The following NVL variants were observed in gnomAD, a reference collection of about 807,000 sequenced individuals.
NVL encodes the protein nuclear VCP like.
In NVL, 84 loss-of-function variants were observed where a neutral mutation model predicts 110.2. That is an observed-to-expected ratio of 0.76 (90% CI 0.64 to 0.91). The LOEUF is 0.91. Among genes scored for constraint, NVL ranks in the 40% least tolerant of loss-of-function variants. NVL has a pLI of 0.00. For synonymous variants in NVL, 354 were observed against 361.1 expected, an observed-to-expected ratio of 0.98 and a Z score of 0.22; for missense variants, 882 against 1,035.9, an observed-to-expected ratio of 0.85 and a Z score of 2.04.
At chr1:224,327,237 G>A (rs747045471) in intron 1 of NVL, among the ~76,000 whole-genome samples, 2 of 152,106 alleles carry the variant, frequency 1.3e-5, no homozygotes, top group Non-Finnish European at 2.9e-5. Context: ...CAGTCCAGGT[G>A]TTCGAGACCA....
chr1:224,320,200 T>C (rs987466304), intron 2 of NVL, among the ~76,000 whole-genome samples: 30 of 152,318 alleles, frequency 2.0e-4, no homozygotes, highest in African/African-American at 7.0e-4. Context: ...ATAATATTAC[T>C]GAATCAAGAT....
At chr1:224,278,952 T>C (rs1666047344) in intron 16 of NVL, among the ~76,000 whole-genome samples, 1 of 152,046 alleles carries the variant, frequency 6.6e-6, no homozygotes, top group Non-Finnish European at 1.5e-5. Context: ...GGTCTCAAAC[T>C]GGCCTCAAGC....
chr1:224,305,659 A>G (rs1356672991), intron 6 of NVL, among the ~76,000 whole-genome samples: 1 of 152,056 alleles, frequency 6.6e-6, no homozygotes, highest in Non-Finnish European at 1.5e-5. Flanking sequence ...CTAGGTTCAA[A>G]CAATTCTCCT....
chr1:224,237,287 G>A (rs182791856), intron 19 of NVL, among the ~76,000 whole-genome samples: 2 of 152,338 alleles, frequency 1.3e-5, no homozygotes, highest in Admixed American at 1.3e-4. Flanking sequence ...CTGGCCAGGA[G>A]AGAAGGAGCA....
At chr1:224,254,877 GTT>G (rs34538115) in intron 18 of NVL, among the ~76,000 whole-genome samples, 1,129 of 94,930 alleles carry the variant, frequency 0.012, 11 homozygotes, top group African/African-American at 0.035. Context: ...AAATGGTGTA[GTT>G]TTTTTTTTTT....
intron 19 of NVL, 121 bp downstream of exon 19, chr1:224,250,091 G>T: frequency 3.3e-6 from 3 of 896,370 alleles, no homozygotes; most frequent in Non-Finnish European, 5.0e-6. Context: ...GGAGATATAG[G>T]CTGGGCAAAC....
chr1:224,243,944 C>A (rs1314534776), intron 19 of NVL, among the ~76,000 whole-genome samples: 1 of 150,658 alleles, frequency 6.6e-6, no homozygotes, highest in Non-Finnish European at 1.5e-5. Context: ...CAGGCGTGAG[C>A]CACCACACCC....
chr1:224,300,281 A>AT (rs1384109102), intron 10 of NVL, among the ~76,000 whole-genome samples: 33 of 152,316 alleles, frequency 2.2e-4, no homozygotes, highest in African/African-American at 7.7e-4. Flanking sequence ...TATCATAAGG[A>AT]TAATATATTT....
At chr1:224,301,797 TCAAA>T in intron 9 of NVL, 2 of 73,104 alleles carry the variant, frequency 2.7e-5, no homozygotes, top group South Asian at 3.4e-4. Context: ...AAAATCTGTT[TCAAA>T]AAAAAAAAAA....
chr1:224,239,519 T>C (rs1008800717), intron 19 of NVL, among the ~76,000 whole-genome samples: 1 of 152,202 alleles, frequency 6.6e-6, no homozygotes, highest in African/African-American at 2.4e-5. Context: ...CCTATCAACT[T>C]ACCTCGACTG....
At chr1:224,238,231 C>T (rs993382169) in intron 19 of NVL, among the ~76,000 whole-genome samples, 8 of 152,004 alleles carry the variant, frequency 5.3e-5, no homozygotes, top group East Asian at 3.9e-4. Flanking sequence ...TGGGGTTTCA[C>T]GATGTTGCCC....
rs922621173 is a variant in NVL, at chr1:224,308,169, G to C, written c.437C>G (p.Thr146Ser). 1 of 1,614,058 alleles carries C rather than the reference G, an allele frequency of 6.2e-7. No individual in the cohort carries two copies. Among genetic ancestry groups the C allele is most frequent in the African/African-American group, 1.3e-5 (1 of 75,016 alleles). The change falls in exon 6 of 23, where the codon ACC becomes AGC. Residue 146 changes from threonine to serine, a missense_variant. Thr to Ser is a moderately conservative substitution (Grantham distance 58, BLOSUM62 1). Coordinates refer to ENST00000281701, the MANE Select transcript of NVL (RefSeq NM_002533.4). ...ACTTATCCGTGGTGTTGAAGAGGTGGTTTCTCTTTGCTCCATCTCAGGAGT... is the reference window on the plus strand; with the variant it reads ...ACTTATCCGTGGTGTTGAAGAGGTGCTTTCTCTTTGCTCCATCTCAGGAGT... ...SNTPEMEQRE[T>S]TSSTPRISSK...
intron 2 of NVL, among the ~76,000 whole-genome samples, chr1:224,322,799 A>G (rs1024244581): frequency 1.3e-5 from 2 of 152,100 alleles, no homozygotes; most frequent in Non-Finnish European, 2.9e-5. Flanking sequence ...ACTAAAATAC[A>G]AAAAATTAGC....
chr1:224,309,563 T>C (rs1198433572), intron 5 of NVL, among the ~76,000 whole-genome samples: 1 of 151,898 alleles, frequency 6.6e-6, no homozygotes, highest in African/African-American at 2.4e-5. Flanking sequence ...TCAAAACTTA[T>C]ATACCAAGGG....
chr1:224,229,065 C>T (rs111858226), intron 22 of NVL, among the ~76,000 whole-genome samples: 2,686 of 151,322 alleles, frequency 0.018, 79 homozygotes, highest in African/African-American at 0.061. Flanking sequence ...GAGGCTGAGG[C>T]GGGCCAATCA....
At chr1:224,305,483 GAAAA>G in intron 6 of NVL, 2 of 167,796 alleles carry the variant, frequency 1.2e-5, no homozygotes, top group Non-Finnish European at 2.4e-5. Context: ...CCCATATGGG[GAAAA>G]AAAAAAAAAG....
rs2102698871 is a variant in NVL at position 224,303,768 on chromosome 1, T to C, written c.915A>G (p.Gly305=). ...VVPPRGVLLH[G]PPGCGKTLLA... is the part of the protein sequence containing the mutation. ...GTAATGTCTTCCCACAGCCTGGTGG[T>C]CCATGAAGGAGAACTCCACGAGGGG... The change falls in exon 9 of 23, where the codon GGA becomes GGG. Residue 305 remains glycine, a synonymous_variant. Transcript: ENST00000281701. 50 of 1,613,582 alleles carry C rather than the reference T, an allele frequency of 3.1e-5. No homozygotes were observed. Among genetic ancestry groups the C allele is most frequent in the Non-Finnish European group, 4.1e-5 (48 of 1,179,776 alleles).
chr1:224,276,700 C>T (rs2102860201), intron 16 of NVL, among the ~76,000 whole-genome samples: 1 of 152,234 alleles, frequency 6.6e-6, no homozygotes, highest in Admixed American at 6.5e-5. Flanking sequence ...TTTCTTTGAA[C>T]TTTTGCTCAT....
chr1:224,269,597 G>A (rs1664847036), intron 17 of NVL: 1 of 152,104 alleles, frequency 6.6e-6, no homozygotes, highest in Non-Finnish European at 1.5e-5. Flanking sequence ...TTCAGGGAGG[G>A]GGATAAATCA....
Sources: allele counts gnomAD v4.1 joint callset (sites outside exome capture counted in the v4.1 genomes callset), GRCh38; gene constraint gnomAD v4.1.1; transcripts MANE v1.5; gene names NCBI Gene and HGNC (gene_info 2026-07-23, HGNC 2026-07-21).